MRPS5: variants seen among roughly 807,000 people sequenced by gnomAD.
The protein encoded by MRPS5 is mitochondrial ribosomal protein S5, also known as small ribosomal subunit protein uS5m.
A neutral mutation model predicts 51.9 loss-of-function variants in MRPS5; 27 were observed. The ratio of observed to expected loss-of-function variants is 0.52; its 90% CI spans 0.38 to 0.72. The LOEUF is 0.72. MRPS5 is among the 30% of genes least tolerant of loss of function. The pLI, the probability that MRPS5 is intolerant of heterozygous loss-of-function variation, is 0.00. For synonymous variants in MRPS5, 196 were observed against 193.2 expected, an observed-to-expected ratio of 1.01 and a Z score of -0.12; for missense variants, 570 against 545.7, an observed-to-expected ratio of 1.04 and a Z score of -0.44.
intron 11 of MRPS5, 82 bp downstream of exon 11, chr2:95,090,280 TGGCCCCAGGAAAGCATCTCCAGGA>T: frequency 8.8e-7 from 1 of 1,134,368 alleles, no homozygotes; most frequent in Non-Finnish European, 1.3e-6. Flanking sequence ...ACTCCTCAGG[TGGCCCCAGGAAAGCATCTCCAGGA>T]GGCCCCAGGG....
At position 95,114,457 on chromosome 2, in the gene MRPS5, G is replaced by A. The variant is rs1573350561; in HGVS notation, c.277+609C>T. Reference sequence around the variant, plus strand: ...TAATTTTGTTTTTGTATTTTTAGTAGAGACAGGGTTTCACTGTGTTTGCCA... The same window carrying A: ...TAATTTTGTTTTTGTATTTTTAGTAAAGACAGGGTTTCACTGTGTTTGCCA... On this transcript the variant is annotated intron_variant, in intron 3 of 11. Transcript: ENST00000272418. Among the ~76,000 whole-genome samples, 3 of 151,964 alleles carry A rather than the reference G, an allele frequency of 2.0e-5. No individual in the cohort carries two copies. In the East Asian group the frequency reaches 5.9e-4, roughly 30 times the overall value.
chr2:95,120,151 G>A (rs1274576165), intron 1 of MRPS5, among the ~76,000 whole-genome samples: 2 of 152,152 alleles, frequency 1.3e-5, no homozygotes, highest in African/African-American at 2.4e-5. Flanking sequence ...CAAAAACATT[G>A]CACACAAATG....
At chr2:95,112,294 A>C (rs1376295177) in intron 3 of MRPS5, among the ~76,000 whole-genome samples, 1 of 151,938 alleles carries the variant, frequency 6.6e-6, no homozygotes, top group Non-Finnish European at 1.5e-5. Context: ...CCAACTCCTG[A>C]CCCCAGGTGA....
chr2:95,108,636 C>A (rs1161475621), intron 4 of MRPS5, among the ~76,000 whole-genome samples: 3 of 152,116 alleles, frequency 2.0e-5, no homozygotes, highest in African/African-American at 7.2e-5. Context: ...GATGCTTGGA[C>A]AAGGACGTCC....
At chr2:95,106,038 C>G (rs1675938745) in intron 6 of MRPS5, among the ~76,000 whole-genome samples, 1 of 152,170 alleles carries the variant, frequency 6.6e-6, no homozygotes, top group South Asian at 2.1e-4. Flanking sequence ...AACTCTTAAG[C>G]TTTCTACCCT....
intron 1 of MRPS5, among the ~76,000 whole-genome samples, chr2:95,119,093 TATATG>T (rs532162853): frequency 5.0e-4 from 76 of 152,268 alleles, no homozygotes; most frequent in African/African-American, 1.6e-3. Flanking sequence ...GCAAATCATA[TATATG>T]ATATAAGGGT....
At chr2:95,105,561 C>G (rs1280193369) in intron 6 of MRPS5, among the ~76,000 whole-genome samples, 2 of 151,998 alleles carry the variant, frequency 1.3e-5, no homozygotes, top group African/African-American at 4.8e-5. Flanking sequence ...AAAAAAAGGC[C>G]AGGAACTATT....
At position 95,121,794 on chromosome 2, in the gene MRPS5, T is replaced by C. The variant is rs747366256; in HGVS notation, c.-3A>G. ...ACAGCGCGCACCGCGGTCGCCATGC[T>C]GGAGTCCGAGCCGCGCCTCGGCCTC... On this transcript the variant is annotated 5_prime_UTR_variant, in exon 1 of 12. Coordinates refer to ENST00000272418, the MANE Select transcript of MRPS5 (RefSeq NM_031902.5). 30 of 1,544,590 alleles carry C rather than the reference T, an allele frequency of 1.9e-5. No individual in the cohort carries two copies. The South Asian group carries it at 3.3e-4, about 17-fold the overall frequency.
In MRPS5 at chr2:95,111,558, A is replaced by G. The variant is rs540231667; in HGVS notation, c.278-1517T>C. 2.0e-5 allele frequency among the ~76,000 whole-genome samples: 3 copies of G among 152,314 alleles called. No individual in the cohort carries two copies. In the East Asian group the frequency reaches 5.8e-4, roughly 29 times the overall value. On this transcript the variant is annotated intron_variant, in intron 3 of 11. Coordinates refer to ENST00000272418, the MANE Select transcript of MRPS5 (RefSeq NM_031902.5). ...TAAGAGGAAAATAAAATATCTAACT[A>G]TATTTGAAAAAGACAGCAAGTCATT...
Position 95,108,375 on chromosome 2 carries a change from A to C in MRPS5, c.437T>G (p.Val146Gly). The C allele has an allele frequency of 6.2e-7, 1 of 1,614,162 alleles. No homozygotes were observed. Among genetic ancestry groups the C allele is most frequent in the South Asian group, 1.1e-5 (1 of 91,084 alleles). Residue 146 changes from valine to glycine, a missense_variant, in exon 5 of 12, where the codon GTC (valine) becomes GGC (glycine). Physicochemically the swap from Val to Gly is moderately radical, Grantham distance 109. Transcript: ENST00000272418. ...RYGFLWPGLN[V>G]PLMKNGAVQT... ...CACTGCTCCATTTTTCATAAGAGGG[A>C]CATTCAGTCCGGGCCATAGAAAACC...
rs760643316 is a variant in MRPS5, at chr2:95,086,204, G to A, written c.*1153C>T. On this transcript the variant is annotated 3_prime_UTR_variant, in exon 12 of 12. Transcript: ENST00000272418. Reference sequence around the variant, plus strand: ...CAAAGTGCTGGGGTTATAGGCGTGAGCCACCACACCTACCTGATGACAAAG... The same window carrying A: ...CAAAGTGCTGGGGTTATAGGCGTGAACCACCACACCTACCTGATGACAAAG... Among the ~76,000 whole-genome samples the A allele has an allele frequency of 2.4e-4, 37 of 152,062 alleles. No homozygotes were observed. The highest frequency in any genetic ancestry group is 6.5e-4 in the Admixed American group (10 of 15,274).
intron 11 of MRPS5, among the ~76,000 whole-genome samples, chr2:95,088,447 G>A (rs73957741): frequency 0.013 from 1,961 of 152,258 alleles, 33 homozygotes; most frequent in African/African-American, 0.042. Flanking sequence ...TTCAGTAGAC[G>A]TTATTCATGG....
At chr2:95,094,141 T>C (rs1359223073) in intron 10 of MRPS5, among the ~76,000 whole-genome samples, 1 of 152,034 alleles carries the variant, frequency 6.6e-6, no homozygotes, top group Non-Finnish European at 1.5e-5. Flanking sequence ...TATCAGTGAT[T>C]GAAGATCAAA....
At chr2:95,096,537 T>C (rs1230498707) in intron 10 of MRPS5, among the ~76,000 whole-genome samples, 1 of 152,118 alleles carries the variant, frequency 6.6e-6, no homozygotes. Flanking sequence ...GTTCAACATA[T>C]GCAAATCAAT....
chr2:95,101,851 T>G (rs375635516), intron 7 of MRPS5, 128 bp from the exon 8 acceptor site: 4 of 647,276 alleles, frequency 6.2e-6, no homozygotes, highest in African/African-American at 5.5e-5. Context: ...ACAAAAGACT[T>G]GCTATACAAA....
Position 95,108,764 on chromosome 2 carries a change from A to T in MRPS5, c.404-356T>A, listed in dbSNP as rs370761844. ...AGGAAACACTCTGCACTAAATCAAA[A>T]GAACAAGGTAACTCTCTAGGTTCTG... is the stretch of plus-strand genomic sequence containing the variant. On this transcript the variant is annotated intron_variant, in intron 4 of 11. Coordinates refer to ENST00000272418, the MANE Select transcript of MRPS5 (RefSeq NM_031902.5). Among the ~76,000 whole-genome samples, 37 of 152,360 alleles carry T rather than the reference A, an allele frequency of 2.4e-4. No homozygotes were observed. In the East Asian group the frequency reaches 5.4e-3, roughly 22 times the overall value.
intron 10 of MRPS5, chr2:95,092,037 C>T (rs1372651432): frequency 2.0e-5 from 3 of 152,256 alleles, no homozygotes; most frequent in Non-Finnish European, 2.9e-5. Context: ...CCTACAACAC[C>T]TACTTGGCAG....
intron 10 of MRPS5, chr2:95,092,248 T>G (rs961304932): frequency 6.6e-6 from 1 of 152,274 alleles, no homozygotes; most frequent in Admixed American, 6.5e-5. Flanking sequence ...TTTGCAGTGC[T>G]GTGTGTGGAA....
intron 7 of MRPS5, chr2:95,101,978 A>G: frequency 2.5e-6 from 1 of 394,782 alleles, no homozygotes; most frequent in Non-Finnish European, 4.6e-6. Flanking sequence ...ACACAGCAAG[A>G]CTCTGTCTCT....
Sources: gnomAD v4.1 joint callset for allele counts (sites outside exome capture counted in the v4.1 genomes callset) on GRCh38, gnomAD v4.1.1 for gene constraint, MANE v1.5 for transcripts, NCBI Gene and HGNC (gene_info 2026-07-23, HGNC 2026-07-21) for gene names.